SNX27: variants seen among roughly 807,000 people sequenced by gnomAD.
SNX27 encodes sorting nexin-27.
A neutral mutation model predicts 71.6 loss-of-function variants in SNX27; 22 were observed. The ratio of observed to expected loss-of-function variants is 0.31; its 90% CI spans 0.22 to 0.44. The LOEUF (loss-of-function observed/expected upper bound fraction) is 0.44. Among genes scored for constraint, SNX27 ranks in the 20% least tolerant of loss-of-function variants. The probability of loss-of-function intolerance (pLI) is 1.00; values close to 1 mark genes in which losing one functional copy is unlikely to be tolerated. For missense variants in SNX27, 531 were observed against 698.6 expected (o/e 0.76, Z 2.70); for synonymous variants, 269 against 277.2 (o/e 0.97, Z 0.29).
intron 1 of SNX27, among the ~76,000 whole-genome samples, chr1:151,631,816 G>T (rs887017053): frequency 6.6e-6 from 1 of 152,206 alleles, no homozygotes. Context: ...GGGACAATAC[G>T]TGTGCACCAC....
chr1:151,617,915 T>C (rs1442884713), intron 1 of SNX27, among the ~76,000 whole-genome samples: 1 of 144,174 alleles, frequency 6.9e-6, no homozygotes, highest in Non-Finnish European at 1.5e-5. Context: ...GAGATAGGAG[T>C]CTCACTATGT....
At chr1:151,667,427 C>T (rs144002364) in intron 6 of SNX27, among the ~76,000 whole-genome samples, 2 of 151,786 alleles carry the variant, frequency 1.3e-5, no homozygotes, top group African/African-American at 2.4e-5. Context: ...TGGAGGTGGG[C>T]GGAAAAAACC....
intron 1 of SNX27, among the ~76,000 whole-genome samples, chr1:151,636,323 A>G (rs1473330018): frequency 6.6e-6 from 1 of 152,208 alleles, no homozygotes; most frequent in African/African-American, 2.4e-5. Context: ...TTTTTAAAAA[A>G]CAGGATCTTC....
intron 7 of SNX27, chr1:151,675,895 T>G (rs1670676150): frequency 7.2e-6 from 1 of 138,134 alleles, no homozygotes; most frequent in Admixed American, 7.8e-5. Context: ...GGTGTGATCA[T>G]AGTTCACTGC....
intron 1 of SNX27, among the ~76,000 whole-genome samples, chr1:151,621,584 G>C (rs1416849147): frequency 6.6e-6 from 1 of 152,214 alleles, no homozygotes; most frequent in Non-Finnish European, 1.5e-5. Flanking sequence ...AGTCTGCAGA[G>C]AGTCAGCTGC....
intron 7 of SNX27, chr1:151,678,612 G>A (rs1670805082): frequency 6.6e-6 from 1 of 152,130 alleles, no homozygotes; most frequent in African/African-American, 2.4e-5. Context: ...ACCCAGAAGT[G>A]GGATTACTGA....
chr1:151,684,965 C>T (rs1230037110), intron 8 of SNX27, among the ~76,000 whole-genome samples: 4 of 152,116 alleles, frequency 2.6e-5, no homozygotes, highest in East Asian at 1.9e-4. Flanking sequence ...CCCAACACCA[C>T]GCTTGGCTAA....
intron 1 of SNX27, among the ~76,000 whole-genome samples, chr1:151,624,436 T>TATATA (rs1337558489): frequency 7.6e-5 from 10 of 131,204 alleles, no homozygotes; most frequent in African/African-American, 2.5e-4. Flanking sequence ...TATATATGTA[T>TATATA]TTTTTTTTTT....
At chr1:151,685,324 G>C (rs761448457) in intron 8 of SNX27, 8 of 152,078 alleles carry the variant, frequency 5.3e-5, no homozygotes, top group Non-Finnish European at 1.2e-4. Flanking sequence ...GAATTCTTTT[G>C]TACCTTCTGT....
chr1:151,619,287 G>T (rs955777493), intron 1 of SNX27, among the ~76,000 whole-genome samples: 5 of 152,208 alleles, frequency 3.3e-5, no homozygotes, highest in Non-Finnish European at 5.9e-5. Context: ...GCTGCAGTGA[G>T]CCATGATCAC....
rs912624502 is a variant in SNX27, at chr1:151,631,284, T to A, written c.312-7604T>A. On this transcript the variant is annotated intron_variant, in intron 1 of 11. Transcript: ENST00000458013. ...CTCTTCTCATATGCCAGGGGTCTTTTTTCCTTCAACTTCAGAGATCTCCTA... is the reference window on the plus strand; with the variant it reads ...CTCTTCTCATATGCCAGGGGTCTTTATTCCTTCAACTTCAGAGATCTCCTA... 3.9e-5 allele frequency among the ~76,000 whole-genome samples: 6 copies of A among 152,334 alleles called. No homozygotes were observed. The South Asian group carries it at 1.0e-3, about 26-fold the overall frequency.
intron 7 of SNX27, among the ~76,000 whole-genome samples, chr1:151,675,486 T>G (rs1487235453): frequency 2.6e-5 from 4 of 152,106 alleles, no homozygotes; most frequent in Non-Finnish European, 5.9e-5. Context: ...ATATGTCATT[T>G]ATGACTGAGT....
At chr1:151,654,417 C>G (rs1429039040) in intron 2 of SNX27, among the ~76,000 whole-genome samples, 1 of 151,912 alleles carries the variant, frequency 6.6e-6, no homozygotes, top group Non-Finnish European at 1.5e-5. Context: ...GTTTCCTGTC[C>G]CTCCCTCAGC....
At chr1:151,636,186 A>G (rs760119817) in intron 1 of SNX27, among the ~76,000 whole-genome samples, 1 of 152,270 alleles carries the variant, frequency 6.6e-6, no homozygotes, top group Non-Finnish European at 1.5e-5. Flanking sequence ...TTTAAAGGAA[A>G]AAAAATCAGG....
chr1:151,630,398 T>G (rs1301993229), intron 1 of SNX27, among the ~76,000 whole-genome samples: 1 of 152,146 alleles, frequency 6.6e-6, no homozygotes, highest in Admixed American at 6.5e-5. Flanking sequence ...TAAAAATAAT[T>G]AAGATAATAA....
At chr1:151,674,079 G>A (rs1670558182) in intron 7 of SNX27, among the ~76,000 whole-genome samples, 1 of 151,962 alleles carries the variant, frequency 6.6e-6, no homozygotes, top group Non-Finnish European at 1.5e-5. Flanking sequence ...TTGCCATTTT[G>A]TTACTTGTTT....
rs949051892 is a variant in SNX27 at position 151,615,795 on chromosome 1, A to G, written c.311+3283A>G. ...TTCGTATTTTTCAGTTGTTTGGACA[A>G]CTGACAGTGGTGTGAAAGAACAGAG... is the stretch of plus-strand genomic sequence containing the variant. On this transcript the variant is annotated intron_variant, in intron 1 of 11. Coordinates refer to ENST00000458013, the MANE Select transcript of SNX27 (RefSeq NM_001330723.2). 7 of 984,988 alleles carry G rather than the reference A, an allele frequency of 7.1e-6. No homozygotes were observed. The African/African-American group carries it at 1.0e-4, about 15-fold the overall frequency. The allele number at this position is 984,988 out of a possible 1,614,324, so 61.0% of individuals were successfully genotyped here.
intron 1 of SNX27, among the ~76,000 whole-genome samples, chr1:151,638,526 TTTGA>T (rs1668574226): frequency 6.6e-6 from 1 of 152,244 alleles, no homozygotes; most frequent in African/African-American, 2.4e-5. Flanking sequence ...CAAAAGCCAC[TTTGA>T]TTGAATTGTA....
intron 1 of SNX27, among the ~76,000 whole-genome samples, chr1:151,617,802 G>A (rs899668131): frequency 9.3e-5 from 14 of 150,772 alleles, no homozygotes; most frequent in Non-Finnish European, 1.9e-4. Context: ...ACTGAGTGTT[G>A]TACCAATGAA....
Sources: gnomAD v4.1 joint callset for allele counts (sites outside exome capture counted in the v4.1 genomes callset) on GRCh38, gnomAD v4.1.1 for gene constraint, MANE v1.5 for transcripts, NCBI Gene and HGNC (gene_info 2026-07-23, HGNC 2026-07-21) for gene names.